PMF1: variants seen among roughly 807,000 people sequenced by gnomAD.
PMF1 encodes the protein polyamine modulated factor 1.
PMF1 carries 21 observed loss-of-function variants against 26.7 expected under a neutral mutation model. The ratio of observed to expected loss-of-function variants is 0.79; its 90% CI spans 0.56 to 1.13. PMF1 has a LOEUF of 1.13. PMF1 is among the 50% of genes most tolerant of loss of function. The pLI is 0.00. For synonymous variants in PMF1, 105 were observed against 101.0 expected (o/e 1.04, Z -0.24); for missense variants, 266 against 254.9 (o/e 1.04, Z -0.30).
At chr1:156,216,469 G>C (rs2853644) in intron 1 of PMF1, among the ~76,000 whole-genome samples, 13,522 of 152,226 alleles carry the variant, frequency 0.089, 773 homozygotes, top group African/African-American at 0.16. Context: ...GCGACCTGTC[G>C]CTGGAGAGGT....
chr1:156,237,845 T>C (rs1659123975), intron 4 of PMF1, among the ~76,000 whole-genome samples: 1 of 152,098 alleles, frequency 6.6e-6, no homozygotes, highest in African/African-American at 2.4e-5. Context: ...CAACCTCCGC[T>C]TCCTGGGTTC....
chr1:156,234,917 G>C (rs1286481744), intron 3 of PMF1, among the ~76,000 whole-genome samples: 1 of 152,120 alleles, frequency 6.6e-6, no homozygotes, highest in African/African-American at 2.4e-5. Context: ...TACACCAAGT[G>C]CAAGGTGGAG....
intron 4 of PMF1, among the ~76,000 whole-genome samples, chr1:156,238,785 C>T (rs974845363): frequency 1.1e-4 from 17 of 152,186 alleles, no homozygotes; most frequent in African/African-American, 2.4e-4. Context: ...GGCCGGCAGC[C>T]GCTCTGCTCC....
At chr1:156,239,236 G>A (rs1003405853) in intron 4 of PMF1, among the ~76,000 whole-genome samples, 1 of 152,192 alleles carries the variant, frequency 6.6e-6, no homozygotes, top group African/African-American at 2.4e-5. Flanking sequence ...AAAGTTTCTC[G>A]CTAGAAAGCT....
chr1:156,232,184 C>A, intron 1 of PMF1, 136 bp from the exon 2 acceptor site: 1 of 740,630 alleles, frequency 1.4e-6, no homozygotes, highest in Non-Finnish European at 2.3e-6. Flanking sequence ...GAGAGATTTG[C>A]ATCCACTGGC....
At chr1:156,235,122 AT>A (rs35707231) in intron 3 of PMF1, among the ~76,000 whole-genome samples, 48,575 of 147,026 alleles carry the variant, frequency 0.33, 7,876 homozygotes, top group African/African-American at 0.39. Flanking sequence ...CTGAAAAAGA[AT>A]TTTTTTTTTT....
intron 1 of PMF1, among the ~76,000 whole-genome samples, chr1:156,216,247 CG>C (rs760887809): frequency 6.6e-6 from 1 of 151,922 alleles, no homozygotes; most frequent in Non-Finnish European, 1.5e-5. Flanking sequence ...AAAAATTAGC[CG>C]GGCCTAGTGG....
chr1:156,219,061 G>T (rs950845409), intron 1 of PMF1, among the ~76,000 whole-genome samples: 2 of 151,534 alleles, frequency 1.3e-5, no homozygotes, highest in Non-Finnish European at 2.9e-5. Context: ...GGGACTACAG[G>T]TGCACACCAC....
intron 1 of PMF1, among the ~76,000 whole-genome samples, chr1:156,214,868 T>G (rs7530415): frequency 0.072 from 10,804 of 149,514 alleles, 998 homozygotes; most frequent in African/African-American, 0.21. Context: ...AGATTATTAT[T>G]ATTATTATTA....
chr1:156,239,534 C>T lies in PMF1; in HGVS notation c.565-14C>T. 1.9e-6 allele frequency: 3 copies of T among 1,611,440 alleles called. No individual in the cohort carries two copies. The highest frequency in any genetic ancestry group is 2.5e-6 in the Non-Finnish European group (3 of 1,178,386). On this transcript the variant is annotated splice_polypyrimidine_tract_variant and intron_variant, in intron 4 of 4. Coordinates refer to ENST00000368277, the MANE Select transcript of PMF1 (RefSeq NM_007221.4). ...TTAGATCCCAGTTTGTCTGTTGTCT[C>T]CCATTGATTTCAGGCTCTACACAGA...
chr1:156,220,292 A>G (rs6427307), intron 1 of PMF1, among the ~76,000 whole-genome samples: 64,525 of 151,992 alleles, frequency 0.42, 15,303 homozygotes, highest in African/African-American at 0.65. Flanking sequence ...ACTCCTGGGC[A>G]CAAGTGATCT....
At chr1:156,220,124 C>T (rs749178107) in intron 1 of PMF1, among the ~76,000 whole-genome samples, 5 of 152,040 alleles carry the variant, frequency 3.3e-5, no homozygotes, top group East Asian at 3.9e-4. Flanking sequence ...CCACCACGCC[C>T]GGCTAATTTT....
chr1:156,227,009 T>C (rs1658406071), intron 1 of PMF1, among the ~76,000 whole-genome samples: 1 of 152,042 alleles, frequency 6.6e-6, no homozygotes, highest in African/African-American at 2.4e-5. Flanking sequence ...GATCCTGGGG[T>C]CCAGGGTGGG....
intron 1 of PMF1, among the ~76,000 whole-genome samples, chr1:156,218,632 A>G (rs900155520): frequency 2.0e-5 from 3 of 152,002 alleles, no homozygotes; most frequent in Non-Finnish European, 2.9e-5. Context: ...ATACAAAAAA[A>G]TTAGCCAGGC....
At position 156,221,747 on chromosome 1, in the gene PMF1, C is replaced by T. The variant is rs139762604; in HGVS notation, c.161+8571C>T. The stretch of plus-strand genomic sequence containing the variant: ...CAGCATGGGAACAGGATTTCTCTTC[C>T]ACCTCTTCCCTTCCTGTGATCCCTG... On this transcript the variant is annotated intron_variant, in intron 1 of 4. Coordinates refer to ENST00000368277, the MANE Select transcript of PMF1 (RefSeq NM_007221.4). Among the ~76,000 whole-genome samples the T allele has an allele frequency of 4.8e-3, 734 of 152,324 alleles. 1 individual carries two copies. Among genetic ancestry groups the T allele is most frequent in the Middle Eastern group, 0.02 (6 of 294 alleles).
intron 1 of PMF1, among the ~76,000 whole-genome samples, chr1:156,214,658 AT>A (rs1409925556): frequency 3.3e-5 from 5 of 151,876 alleles, no homozygotes; most frequent in Non-Finnish European, 7.4e-5. Flanking sequence ...CAGGAGGATC[AT>A]TTGAGCCTGG....
chr1:156,238,556 C>T (rs563251109), intron 4 of PMF1, among the ~76,000 whole-genome samples: 3 of 152,226 alleles, frequency 2.0e-5, no homozygotes, highest in Non-Finnish European at 4.4e-5. Context: ...CTGTCGAACT[C>T]TCTCCATCCT....
At chr1:156,219,454 C>G (rs538489146) in intron 1 of PMF1, among the ~76,000 whole-genome samples, 20 of 152,326 alleles carry the variant, frequency 1.3e-4, no homozygotes, top group African/African-American at 4.6e-4. Context: ...CAATGGCCAG[C>G]TCCTAGCCCA....
Position 156,221,715 on chromosome 1 carries a change from A to G in PMF1, c.161+8539A>G, listed in dbSNP as rs184311660. On this transcript the variant is annotated intron_variant, in intron 1 of 4. Coordinates refer to ENST00000368277, the MANE Select transcript of PMF1 (RefSeq NM_007221.4). ...TCTCCATTTGGTGTCCCACAGAATC[A>G]TCAGCTCAGCATGGGAACAGGATTT... 2.4e-3 allele frequency among the ~76,000 whole-genome samples: 360 copies of G among 152,310 alleles called. 1 individual carries two copies. Among genetic ancestry groups the G allele is most frequent in the Middle Eastern group, 0.017 (5 of 294 alleles).
Sources: gnomAD v4.1 joint callset for allele counts (sites outside exome capture counted in the v4.1 genomes callset) on GRCh38, gnomAD v4.1.1 for gene constraint, MANE v1.5 for transcripts, NCBI Gene and HGNC (gene_info 2026-07-23, HGNC 2026-07-21) for gene names.